Variants in SLC6A16 observed in about 807,000 individuals in gnomAD.
SLC6A16 encodes the protein orphan sodium- and chloride-dependent neurotransmitter transporter NTT5.
A neutral mutation model predicts 65.4 loss-of-function variants in SLC6A16; 54 were observed. That is an observed-to-expected ratio of 0.83 (90% CI 0.66 to 1.04). SLC6A16 has a LOEUF of 1.04. Among genes scored for constraint, SLC6A16 ranks in the 50% least tolerant of loss-of-function variants. The pLI, the probability that SLC6A16 is intolerant of heterozygous loss-of-function variation, is 0.00. For missense variants in SLC6A16, 816 were observed against 914.0 expected, an observed-to-expected ratio of 0.89 and a Z score of 1.38; for synonymous variants, 330 against 346.5, an observed-to-expected ratio of 0.95 and a Z score of 0.53.
intron 7 of SLC6A16, among the ~76,000 whole-genome samples, chr19:49,300,380 G>A (rs961754150): frequency 1.3e-5 from 2 of 152,112 alleles, no homozygotes; most frequent in African/African-American, 4.8e-5. Context: ...ATGTAAGTTA[G>A]GAATGCATGT....
At chr19:49,339,691 C>T in the SLC6A16 span, 3 of 1,414,620 alleles carry the variant, frequency 2.1e-6, no homozygotes, top group Non-Finnish European at 2.8e-6. This position sits in a 1 kb window ranked among gnomAD's most constrained non-coding sequence, Gnocchi z 4.5. Flanking sequence ...ACAGCTACAG[C>T]GCAGGGCACT....
At position 49,301,044 on chromosome 19, in the gene SLC6A16, A is replaced by G. The variant is rs1166263099; in HGVS notation, c.1230-6491T>C. Among the ~76,000 whole-genome samples, 6 of 152,252 alleles carry G rather than the reference A, an allele frequency of 3.9e-5. No homozygotes were observed. The East Asian group carries it at 7.7e-4, about 20-fold the overall frequency. On this transcript the variant is annotated intron_variant, in intron 7 of 11. Coordinates refer to ENST00000335875, the MANE Select transcript of SLC6A16 (RefSeq NM_014037.3). The stretch of plus-strand genomic sequence containing the variant: ...CCAGCCTGGAAGTCAGCGAGACTCC[A>G]TCTCAAAAATAAATAAATAAATAAA...
chr19:49,334,497 G>A, the SLC6A16 span, among the ~76,000 whole-genome samples: 1 of 150,942 alleles, frequency 6.6e-6, no homozygotes, highest in Non-Finnish European at 1.5e-5. Context: ...ACAAAAGAGA[G>A]ATGAAGAGAG....
the SLC6A16 span, among the ~76,000 whole-genome samples, chr19:49,334,167 C>T: frequency 6.6e-6 from 1 of 152,224 alleles, no homozygotes; most frequent in African/African-American, 2.4e-5. Flanking sequence ...GGCACAAAAA[C>T]AAGTGGGGAA....
the SLC6A16 span, chr19:49,339,406 T>C: frequency 1.2e-6 from 2 of 1,613,754 alleles, no homozygotes; most frequent in East Asian, 2.2e-5. This position sits in a 1 kb window ranked among gnomAD's most constrained non-coding sequence, Gnocchi z 4.5. Context: ...GGCGTCGGCC[T>C]ACTCGAGGTG....
At chr19:49,337,358 G>A in the SLC6A16 span, 32 of 873,732 alleles carry the variant, frequency 3.7e-5, no homozygotes, top group Admixed American at 6.4e-5. Context: ...GGCTGGGCCT[G>A]GTGGCTCACG....
chr19:49,303,903 CAA>C (rs1970334406), intron 7 of SLC6A16, among the ~76,000 whole-genome samples: 1 of 152,146 alleles, frequency 6.6e-6, no homozygotes. Context: ...GAGATGATAA[CAA>C]AAGACTATGG....
chr19:49,309,535 A>G, intron 5 of SLC6A16, 116 bp downstream of exon 5: 1 of 1,249,556 alleles, frequency 8.0e-7, no homozygotes, highest in Non-Finnish European at 1.1e-6. Flanking sequence ...AGCAAGAGTC[A>G]GGGGCTAGGG....
Position 49,299,546 on chromosome 19 carries a change from A to AAAAAG in SLC6A16, c.1230-4994_1230-4993insCTTTT, listed in dbSNP as rs1555775036. ...GGGAGGCTTGGTGTAAAAAAAAAAA[A>AAAAAG]AAAGAAAGAAAGAAAGAGAAAGCTG... On this transcript the variant is annotated intron_variant, in intron 7 of 11. Coordinates refer to ENST00000335875, the MANE Select transcript of SLC6A16 (RefSeq NM_014037.3). Among the ~76,000 whole-genome samples the AAAAAG allele has an allele frequency of 3.6e-3, 453 of 126,470 alleles. 2 individuals carry two copies. The highest frequency in any genetic ancestry group is 0.014 in the African/African-American group (434 of 31,164). 83.0% of individuals were successfully genotyped at this position (126,470 alleles called of 152,430 possible). A position where few individuals can be genotyped will look rare whatever the true frequency, so the allele number is the denominator to read the frequency against.
the SLC6A16 span, chr19:49,336,804 G>A: frequency 1.6e-6 from 2 of 1,213,434 alleles, no homozygotes; most frequent in South Asian, 1.4e-5. Context: ...CCAGAGAGAG[G>A]GGCACCAAGA....
At chr19:49,320,088 T>C (rs1391032022) in intron 1 of SLC6A16, among the ~76,000 whole-genome samples, 1 of 151,908 alleles carries the variant, frequency 6.6e-6, no homozygotes, top group South Asian at 2.1e-4. Flanking sequence ...AAGGGGGAAA[T>C]TTATAACTAT....
rs373862770 is a variant in SLC6A16, at chr19:49,311,041, G to A, written c.307C>T (p.Arg103Cys). Residue 103 changes from arginine to cysteine, a missense_variant, in exon 2 of 12, where the codon CGT becomes TGT. Physicochemically the swap from Arg to Cys is radical, Grantham distance 180. Transcript: ENST00000335875. Reference sequence around the variant, plus strand: ...TCAGTTTTGCTGGACCAGAACGGACGGGCAAGGAGGACCTCACTCTCTTTC... The same window carrying A: ...TCAGTTTTGCTGGACCAGAACGGACAGGCAAGGAGGACCTCACTCTCTTTC... ...EKKESEVLLARPFWSSKTEYI... is the reference protein window; with the variant it reads ...EKKESEVLLACPFWSSKTEYI... The A allele has an allele frequency of 4.7e-5, 76 of 1,614,148 alleles. No homozygotes were observed. The African/African-American group carries it at 4.8e-4, about 10-fold the overall frequency.
In SLC6A16 at chr19:49,310,390, G is replaced by A. The variant is rs755459858; in HGVS notation, c.536C>T (p.Ala179Val). Residue 179 changes from alanine to valine, a missense_variant, in exon 3 of 12, where the codon GCC (alanine) becomes GTC (valine). Transcript: ENST00000335875. ...ATACCCCACACCACCAATCCAGGGG[G>A]CAATGATCTTCCATACACCCATGCC... is the stretch of plus-strand genomic sequence containing the variant. ...QGGMGVWKII[A>V]PWIGGVGYSS... 5.0e-6 allele frequency: 8 copies of A among 1,614,042 alleles called. No individual in the cohort carries two copies. Among genetic ancestry groups the A allele is most frequent in the Non-Finnish European group, 1.7e-6 (2 of 1,179,982 alleles).
At chr19:49,301,757 A>C (rs1970296383) in intron 7 of SLC6A16, among the ~76,000 whole-genome samples, 1 of 152,096 alleles carries the variant, frequency 6.6e-6, no homozygotes, top group Admixed American at 6.5e-5. Flanking sequence ...TACCATGGTC[A>C]CCCAGACCAG....
chr19:49,339,658 A>T, the SLC6A16 span: 1 of 1,427,804 alleles, frequency 7.0e-7, no homozygotes, highest in South Asian at 1.5e-5. The surrounding 1 kb of genome is among the most constrained non-coding windows in gnomAD (Gnocchi z 4.5). Flanking sequence ...TTCTCCGCAG[A>T]TGACTGTCAT....
chr19:49,337,243 C>A, the SLC6A16 span: 8,058 of 1,605,824 alleles, frequency 5.0e-3, 304 homozygotes, highest in East Asian at 0.084. Context: ...GCAGTGGCCA[C>A]CACCCACCCC....
chr19:49,290,656 C>A lies in SLC6A16; in HGVS notation c.1890G>T (p.Met630Ile). The change falls in exon 11 of 12, where the codon ATG becomes ATT. Residue 630 changes from methionine to isoleucine, a missense_variant. By Grantham distance (10) the Met-to-Ile change is conservative (BLOSUM62 1). Coordinates refer to ENST00000335875, the MANE Select transcript of SLC6A16 (RefSeq NM_014037.3). ...TGATCGGCTTCATACAAAGATGAAC[C>A]ATCATGGTCACAAAGATGATTAGCA... ...VVLLIIFVTM[M>I]VHLCMKPITY... 6.2e-7 allele frequency: 1 copy of A among 1,614,090 alleles called. No homozygotes were observed.
At chr19:49,327,649 CAAAG>C (rs1473867647), upstream of SLC6A16, among the ~76,000 whole-genome samples, 2 of 152,080 alleles carry the variant, frequency 1.3e-5, no homozygotes, top group Non-Finnish European at 2.9e-5. Context: ...TCCAGTTGCA[CAAAG>C]AAAGTAAATG....
Position 49,293,334 on chromosome 19 carries a change from G to T in SLC6A16, c.1667C>A (p.Pro556His), listed in dbSNP as rs1391250882. ...MFVCGLFFTR[P>H]SGSYFIRLLS... ...CAGTCTGATGAAGTAGCTGCCTGAAGGTCGAGTGAAGAAGAGGCCGCACAC... is the reference window on the plus strand; with the variant it reads ...CAGTCTGATGAAGTAGCTGCCTGAATGTCGAGTGAAGAAGAGGCCGCACAC... Residue 556 changes from proline to histidine, a missense_variant, in exon 10 of 12, where the codon CCT becomes CAT. By Grantham distance (77) the Pro-to-His change is moderately conservative. Coordinates refer to ENST00000335875, the MANE Select transcript of SLC6A16 (RefSeq NM_014037.3). 6.2e-7 allele frequency: 1 copy of T among 1,614,158 alleles called. No individual in the cohort carries two copies. The highest frequency in any genetic ancestry group is 1.7e-5 in the Admixed American group (1 of 60,028).
Sources: allele counts gnomAD v4.1 joint callset (sites outside exome capture counted in the v4.1 genomes callset), GRCh38; gene constraint gnomAD v4.1.1; non-coding constraint Gnocchi (gnomAD v3.1); transcripts MANE v1.5; gene names NCBI Gene and HGNC (gene_info 2026-07-23, HGNC 2026-07-21).